UBE2U: variants seen among roughly 807,000 people sequenced by gnomAD.
The protein encoded by UBE2U is ubiquitin-conjugating enzyme E2 U.
In UBE2U, 39 loss-of-function variants were observed where a neutral mutation model predicts 41.2. That is an observed-to-expected ratio of 0.95 (90% CI 0.73 to 1.24). The LOEUF (loss-of-function observed/expected upper bound fraction) is 1.24, where lower values mean the gene tolerates loss of function less well. Among genes scored for constraint, UBE2U ranks in the 50% most tolerant of loss-of-function variants. The pLI is 0.00. For missense variants in UBE2U, 336 were observed against 363.1 expected, an observed-to-expected ratio of 0.93 and a Z score of 0.61; for synonymous variants, 107 against 117.8, an observed-to-expected ratio of 0.91 and a Z score of 0.60.
At chr1:64,239,157 A>AGAAGGAGAAGAAGAAGAAGAAG (rs756975010) in intron 7 of UBE2U, among the ~76,000 whole-genome samples, 1 of 37,062 alleles carries the variant, frequency 2.7e-5, no homozygotes. Flanking sequence ...GAAGAAGAAG[A>AGAAGGAGAAGAAGAAGAAGAAG]AAGAAGAAGA....
intron 9 of UBE2U, among the ~76,000 whole-genome samples, chr1:64,261,750 C>T (rs2100552128): frequency 6.6e-6 from 1 of 152,290 alleles, no homozygotes; most frequent in Non-Finnish European, 1.5e-5. Context: ...CCCTACTCCC[C>T]TCTGCAATCT....
rs531907181 is a variant in UBE2U, at chr1:64,251,292, A to G, written c.678-9311A>G. ...ACTTGGTCAGGATTAATTATGATAA[A>G]TAATTGTAAATAATTATGATAATTC... On this transcript the variant is annotated intron_variant, in intron 8 of 9. Transcript: ENST00000371077. Among the ~76,000 whole-genome samples, 3 of 152,026 alleles carry G rather than the reference A, an allele frequency of 2.0e-5. No individual in the cohort carries two copies. In the East Asian group the frequency reaches 5.8e-4, roughly 29 times the overall value.
chr1:64,256,613 T>C (rs1405348970), intron 8 of UBE2U, among the ~76,000 whole-genome samples: 1 of 152,124 alleles, frequency 6.6e-6, no homozygotes, highest in African/African-American at 2.4e-5. Context: ...TACACAAAAA[T>C]TAGCTCAAGA....
At chr1:64,216,047 T>C (rs970835154) in intron 5 of UBE2U, among the ~76,000 whole-genome samples, 1 of 152,210 alleles carries the variant, frequency 6.6e-6, no homozygotes, top group Non-Finnish European at 1.5e-5. Context: ...CAGATTTACA[T>C]TGCTTCTTTT....
At chr1:64,204,304 A>G (rs1651153116) in intron 1 of UBE2U, among the ~76,000 whole-genome samples, 188 bp downstream of exon 1, 2 of 152,224 alleles carry the variant, frequency 1.3e-5, no homozygotes, top group African/African-American at 4.8e-5. Context: ...TTACTTCAAA[A>G]TAATAATGCT....
At chr1:64,242,595 T>G (rs1330807800) in intron 8 of UBE2U, among the ~76,000 whole-genome samples, 2 of 151,960 alleles carry the variant, frequency 1.3e-5, no homozygotes, top group African/African-American at 4.8e-5. Context: ...TTGAATATAT[T>G]TTTTTAAATT....
intron 7 of UBE2U, among the ~76,000 whole-genome samples, chr1:64,238,620 A>G (rs1006971258): frequency 1.3e-5 from 2 of 152,184 alleles, no homozygotes; most frequent in Non-Finnish European, 2.9e-5. Flanking sequence ...AAGCAAGAAA[A>G]TTAAGGAACA....
At chr1:64,260,555 C>T in intron 8 of UBE2U, 48 bp from the exon 9 acceptor site, 1 of 1,426,012 alleles carries the variant, frequency 7.0e-7, no homozygotes, top group Non-Finnish European at 9.5e-7. Flanking sequence ...GTAAATATAC[C>T]CTTACCAAAA....
intron 8 of UBE2U, among the ~76,000 whole-genome samples, chr1:64,248,612 C>A (rs539681242): frequency 7.3e-5 from 11 of 150,470 alleles, no homozygotes; most frequent in Non-Finnish European, 1.3e-4. Flanking sequence ...ACTTCACAGT[C>A]ATTTGATTTG....
At position 64,204,015 on chromosome 1, in the gene UBE2U, A is replaced by C. The variant is rs1651132594; in HGVS notation, c.-36A>C. On this transcript the variant is annotated 5_prime_UTR_variant, in exon 1 of 10. Transcript: ENST00000371077. ...ATCTGCCTCAGAGTAAACCTGAGGC[A>C]TTTGGGGACAAGTGTCAGACCCTCC... is the stretch of plus-strand genomic sequence containing the variant. 5 of 1,604,470 alleles carry C rather than the reference A, an allele frequency of 3.1e-6. No individual in the cohort carries two copies. The South Asian group carries it at 5.6e-5, about 18-fold the overall frequency.
intron 4 of UBE2U, among the ~76,000 whole-genome samples, chr1:64,211,879 A>G (rs896443231): frequency 6.6e-6 from 1 of 152,248 alleles, no homozygotes; most frequent in Non-Finnish European, 1.5e-5. Context: ...CACCAATAAT[A>G]TCTGAAGATA....
chr1:64,209,581 C>G (rs1170495813), intron 3 of UBE2U, among the ~76,000 whole-genome samples: 1 of 152,118 alleles, frequency 6.6e-6, no homozygotes, highest in Non-Finnish European at 1.5e-5. Context: ...TGCAATGAAG[C>G]TGATGTTTTT....
At chr1:64,225,275 G>A (rs913971342) in intron 6 of UBE2U, among the ~76,000 whole-genome samples, 2 of 152,196 alleles carry the variant, frequency 1.3e-5, no homozygotes, top group African/African-American at 4.8e-5. Context: ...GGAGAGTAAT[G>A]TGAAGACCCT....
chr1:64,250,557 T>C (rs1259778096), intron 8 of UBE2U, among the ~76,000 whole-genome samples: 2 of 152,096 alleles, frequency 1.3e-5, no homozygotes, highest in Non-Finnish European at 2.9e-5. Flanking sequence ...GCCATCCCAT[T>C]ACCGGGTATA....
chr1:64,250,786 C>T, intron 8 of UBE2U, among the ~76,000 whole-genome samples: 1 of 151,744 alleles, frequency 6.6e-6, no homozygotes, highest in Admixed American at 6.6e-5. Flanking sequence ...AGCTGGAAAC[C>T]ATCATTCTCA....
chr1:64,249,636 A>T (rs891711752), intron 8 of UBE2U, among the ~76,000 whole-genome samples: 4 of 151,838 alleles, frequency 2.6e-5, no homozygotes, highest in Non-Finnish European at 5.9e-5. Context: ...ATATTTAAAA[A>T]TATATATACT....
intron 7 of UBE2U, among the ~76,000 whole-genome samples, chr1:64,237,915 A>G (rs1399812936): frequency 6.6e-6 from 1 of 152,202 alleles, no homozygotes; most frequent in Non-Finnish European, 1.5e-5. Flanking sequence ...AAGTTTAAGA[A>G]AAGATATGAA....
chr1:64,245,259 C>T (rs544229944), intron 8 of UBE2U, among the ~76,000 whole-genome samples: 15 of 152,178 alleles, frequency 9.9e-5, no homozygotes, highest in African/African-American at 2.6e-4. Context: ...TTAAAGGATA[C>T]GAATCTGTAA....
chr1:64,267,083 G>T lies in UBE2U; in HGVS notation c.829G>T (p.Glu277Ter). 1 of 1,550,418 alleles carries T rather than the reference G, an allele frequency of 6.4e-7. No homozygotes were observed. The highest frequency in any genetic ancestry group is 8.7e-7 in the Non-Finnish European group (1 of 1,146,964). Residue 277 changes from glutamate (E) to a stop codon, truncating the protein, a stop_gained, in exon 10 of 10, where the codon GAA becomes TAA. Transcript: ENST00000371077. LOFTEE classifies it low-confidence loss of function (END_TRUNC). ...INSITDIYET[E>*]EEGWKSDTSL... Reference sequence around the variant, plus strand: ...TAGCATCACAGACATTTATGAAACAGAAGAGGAGGGGTGGAAGAGTGACAC... The same window carrying T: ...TAGCATCACAGACATTTATGAAACATAAGAGGAGGGGTGGAAGAGTGACAC...
Sources: allele counts gnomAD v4.1 joint callset (sites outside exome capture counted in the v4.1 genomes callset), GRCh38; gene constraint gnomAD v4.1.1; transcripts MANE v1.5; gene names NCBI Gene and HGNC (gene_info 2026-07-23, HGNC 2026-07-21).